Variants in EPB41L4A observed in about 807,000 individuals in gnomAD.
EPB41L4A encodes the protein band 4.1-like protein 4A.
A neutral mutation model predicts 108.6 loss-of-function variants in EPB41L4A; 100 were observed. The ratio of observed to expected loss-of-function variants is 0.92; its 90% CI spans 0.78 to 1.09. The LOEUF (loss-of-function observed/expected upper bound fraction) is 1.09. Ranked by LOEUF, EPB41L4A falls within the 50% of genes least tolerant of loss-of-function variation. The probability of loss-of-function intolerance (pLI) is 0.00; values close to 1 mark genes in which losing one functional copy is unlikely to be tolerated. For synonymous variants in EPB41L4A, 319 were observed against 289.0 expected, an observed-to-expected ratio of 1.10 and a Z score of -1.05; for missense variants, 1,030 against 842.7, an observed-to-expected ratio of 1.22 and a Z score of -2.75.
chr5:112,325,547 G>T (rs1267122435), intron 1 of EPB41L4A, among the ~76,000 whole-genome samples: 1 of 151,998 alleles, frequency 6.6e-6, no homozygotes, highest in African/African-American at 2.4e-5. Context: ...TAAATGGGTG[G>T]TAAGAAGCTA....
At chr5:112,358,725 G>A (rs1459302145) in intron 1 of EPB41L4A, among the ~76,000 whole-genome samples, 2 of 152,192 alleles carry the variant, frequency 1.3e-5, no homozygotes, top group African/African-American at 4.8e-5. Flanking sequence ...AAAGAAATGA[G>A]TGCATATATC....
rs546413274 is a variant in EPB41L4A, at chr5:112,411,270, G to T, written c.99+7671C>A. Among the ~76,000 whole-genome samples the T allele has an allele frequency of 7.9e-5, 12 of 152,216 alleles. No homozygotes were observed. The South Asian group carries it at 2.5e-3, about 32-fold the overall frequency. ...GATGTGGAGTTTCAGCATTCTAGTG[G>T]TGGTTGAGGCAATGTGAGTAGATGC... On this transcript the variant is annotated intron_variant, in intron 1 of 22. Coordinates refer to ENST00000261486, the MANE Select transcript of EPB41L4A (RefSeq NM_022140.5).
rs1467157875 is a variant in EPB41L4A at position 112,198,191 on chromosome 5, C to T, written c.1377-2483G>A. On this transcript the variant is annotated intron_variant, in intron 15 of 22. Transcript: ENST00000261486. ...CTGGGATTACAGGCATGCACCACCA[C>T]GCCTGGCTAGTTTGTATTTTTAGTA... Among the ~76,000 whole-genome samples the T allele has an allele frequency of 4.6e-5, 7 of 151,970 alleles. 1 individual carries two copies. Among genetic ancestry groups the T allele is most frequent in the African/African-American group, 9.7e-5 (4 of 41,372 alleles).
chr5:112,394,133 A>G (rs982931983), intron 1 of EPB41L4A, among the ~76,000 whole-genome samples: 2 of 152,206 alleles, frequency 1.3e-5, no homozygotes, highest in African/African-American at 2.4e-5. Flanking sequence ...AGCCAATATC[A>G]TACTGAATGG....
At chr5:112,364,823 A>C (rs1184048632) in intron 1 of EPB41L4A, among the ~76,000 whole-genome samples, 1 of 152,200 alleles carries the variant, frequency 6.6e-6, no homozygotes, top group East Asian at 1.9e-4. Flanking sequence ...TCTAAATCCA[A>C]CCTCATTTCT....
At chr5:112,397,042 T>C (rs1297985373) in intron 1 of EPB41L4A, among the ~76,000 whole-genome samples, 1 of 152,218 alleles carries the variant, frequency 6.6e-6, no homozygotes, top group Non-Finnish European at 1.5e-5. Flanking sequence ...ATCCAAATAC[T>C]GAACATTATA....
At chr5:112,294,349 G>GT in intron 2 of EPB41L4A, among the ~76,000 whole-genome samples, 1 of 152,234 alleles carries the variant, frequency 6.6e-6, no homozygotes. Flanking sequence ...GGCCCACACA[G>GT]TCCAGGCGAG....
intron 1 of EPB41L4A, among the ~76,000 whole-genome samples, chr5:112,328,862 G>C (rs915596072): frequency 1.3e-5 from 2 of 152,204 alleles, no homozygotes; most frequent in Non-Finnish European, 2.9e-5. Context: ...TACCTTATGT[G>C]AATCACTAAC....
chr5:112,355,339 T>G (rs1006832275), intron 1 of EPB41L4A, among the ~76,000 whole-genome samples: 1 of 152,196 alleles, frequency 6.6e-6, no homozygotes, highest in African/African-American at 2.4e-5. Context: ...TCTTCAGATT[T>G]TTACCAAAAT....
intron 3 of EPB41L4A, among the ~76,000 whole-genome samples, chr5:112,278,484 T>C (rs1289220807): frequency 6.6e-6 from 1 of 151,996 alleles, no homozygotes; most frequent in African/African-American, 2.4e-5. Context: ...ACTCCTGACC[T>C]CAGGTGATCC....
At chr5:112,203,900 G>A (rs187519334) in intron 15 of EPB41L4A, among the ~76,000 whole-genome samples, 7 of 152,040 alleles carry the variant, frequency 4.6e-5, no homozygotes, top group African/African-American at 9.6e-5. Context: ...TCAGCCGGGC[G>A]TGGCAGCACA....
At chr5:112,234,353 G>T (rs1369661746) in intron 12 of EPB41L4A, among the ~76,000 whole-genome samples, 1 of 151,582 alleles carries the variant, frequency 6.6e-6, no homozygotes, top group Admixed American at 6.6e-5. Flanking sequence ...CTGCAATCCA[G>T]CCTGGTGACA....
intron 12 of EPB41L4A, among the ~76,000 whole-genome samples, chr5:112,211,106 A>G (rs150145859): frequency 1.7e-3 from 256 of 152,322 alleles, no homozygotes; most frequent in African/African-American, 5.9e-3. Context: ...TCATTTTAAA[A>G]GATTTAAAAA....
At chr5:112,412,010 CAT>C (rs970899784) in intron 1 of EPB41L4A, among the ~76,000 whole-genome samples, 6 of 152,208 alleles carry the variant, frequency 3.9e-5, no homozygotes, top group African/African-American at 1.4e-4. Flanking sequence ...ACCGCTGAAA[CAT>C]AGTCCCCCTC....
At chr5:112,146,591 T>G (rs1051214390) in intron 12 of EPB41L4A, among the ~76,000 whole-genome samples, 1 of 152,200 alleles carries the variant, frequency 6.6e-6, no homozygotes, top group Admixed American at 6.5e-5. Flanking sequence ...GTCATAAAAA[T>G]ATAAAAAATT....
chr5:112,225,343 A>G (rs993711174), intron 12 of EPB41L4A, among the ~76,000 whole-genome samples: 4 of 152,192 alleles, frequency 2.6e-5, no homozygotes, highest in African/African-American at 4.8e-5. Flanking sequence ...TGTGTCTGCT[A>G]TAACACAGGA....
chr5:112,229,074 A>T (rs1748677507), intron 12 of EPB41L4A, among the ~76,000 whole-genome samples: 1 of 152,240 alleles, frequency 6.6e-6, no homozygotes, highest in South Asian at 2.1e-4. Context: ...AGTTTGATTG[A>T]ATTACTTTAA....
rs747025327 is a variant in EPB41L4A at position 112,169,063 on chromosome 5, T to G, written c.1782A>C (p.Pro594=). The G allele has an allele frequency of 3.1e-6, 5 of 1,614,072 alleles. No homozygotes were observed. The highest frequency in any genetic ancestry group is 4.2e-6 in the Non-Finnish European group (5 of 1,180,030). The change falls in exon 21 of 23, where the codon CCA becomes CCC. Residue 594 remains proline (P), a synonymous_variant. Transcript: ENST00000261486. ...DPIRIRHSHS[P]RSYRQYRRSQ... is the part of the protein sequence containing the mutation. ...ACCTGCGATACTGGCGGTAACTTCG[T>G]GGCGAATGAGAATGCCTGATGCGGA...
chr5:112,236,501 G>T (rs1010584250), intron 11 of EPB41L4A, among the ~76,000 whole-genome samples: 2 of 152,188 alleles, frequency 1.3e-5, no homozygotes, highest in African/African-American at 4.8e-5. Flanking sequence ...ACAATTTCCT[G>T]GCAGAAGTAT....
Sources: gnomAD v4.1 joint callset for allele counts (sites outside exome capture counted in the v4.1 genomes callset) on GRCh38, gnomAD v4.1.1 for gene constraint, MANE v1.5 for transcripts, NCBI Gene and HGNC (gene_info 2026-07-23, HGNC 2026-07-21) for gene names.